Variants in KLHL32 observed in about 807,000 individuals in gnomAD.
The protein encoded by KLHL32 is kelch-like protein 32.
A neutral mutation model predicts 64.8 loss-of-function variants in KLHL32; 35 were observed. The observed-to-expected ratio is 0.54, with a 90% confidence interval of 0.41 to 0.72. The LOEUF (loss-of-function observed/expected upper bound fraction) is 0.72, where lower values mean the gene tolerates loss of function less well. Ranked by LOEUF, KLHL32 falls within the 30% of genes least tolerant of loss-of-function variation. The pLI, the probability that KLHL32 is intolerant of heterozygous loss-of-function variation, is 0.00. For missense variants in KLHL32, 589 were observed against 768.5 expected (o/e 0.77, Z 2.76); for synonymous variants, 259 against 281.0 (o/e 0.92, Z 0.78).
intron 5 of KLHL32, among the ~76,000 whole-genome samples, chr6:97,077,628 C>CA (rs1404890277): frequency 6.6e-6 from 1 of 152,120 alleles, no homozygotes; most frequent in Non-Finnish European, 1.5e-5. Context: ...GATAGCATCG[C>CA]AAGGGACTTT....
intron 5 of KLHL32, among the ~76,000 whole-genome samples, chr6:97,068,194 T>G (rs1319801546): frequency 6.6e-6 from 1 of 152,244 alleles, no homozygotes; most frequent in African/African-American, 2.4e-5. Flanking sequence ...AAAAAGTTTA[T>G]ACATTTTGTA....
At chr6:97,137,910 CG>C (rs1444117332) in intron 10 of KLHL32, among the ~76,000 whole-genome samples, 1 of 151,898 alleles carries the variant, frequency 6.6e-6, no homozygotes, top group East Asian at 1.9e-4. Flanking sequence ...ATTAAAGACG[CG>C]TACAAAGAGG....
intron 2 of KLHL32, among the ~76,000 whole-genome samples, chr6:96,969,551 G>A (rs1774888234): frequency 6.6e-6 from 1 of 152,138 alleles, no homozygotes. Context: ...ACGTTGTCTA[G>A]TGGAGACTAG....
intron 1 of KLHL32, among the ~76,000 whole-genome samples, chr6:96,963,273 A>G (rs775619025): frequency 4.6e-5 from 7 of 152,202 alleles, no homozygotes; most frequent in South Asian, 2.1e-4. Flanking sequence ...GATGGGAAAG[A>G]CAAGTTACAG....
At chr6:96,973,985 G>A (rs9487633) in intron 2 of KLHL32, among the ~76,000 whole-genome samples, 1 of 152,000 alleles carries the variant, frequency 6.6e-6, no homozygotes, top group Non-Finnish European at 1.5e-5. Context: ...GCCTGCCAAA[G>A]TACTGGGATT....
chr6:97,000,285 C>A (rs997291082), intron 3 of KLHL32, among the ~76,000 whole-genome samples: 3 of 152,108 alleles, frequency 2.0e-5, no homozygotes, highest in African/African-American at 7.2e-5. Context: ...AAAGTGTGGT[C>A]CATGGATAAG....
Position 97,134,513 on chromosome 6 carries a change from G to A in KLHL32, c.1701+1766G>A, listed in dbSNP as rs111422573. Among the ~76,000 whole-genome samples, 139 of 152,268 alleles carry A rather than the reference G, an allele frequency of 9.1e-4. 1 individual carries two copies. Among genetic ancestry groups the A allele is most frequent in the African/African-American group, 3.2e-3 (131 of 41,550 alleles). On this transcript the variant is annotated intron_variant, in intron 10 of 10. Transcript: ENST00000369261. ...TATTTTTTGCTTTTCAGAATTGGTA[G>A]AACTCAGAACTGGGCAACAGTTCTC...
chr6:97,136,981 C>T (rs1800090646), intron 10 of KLHL32, among the ~76,000 whole-genome samples: 1 of 152,174 alleles, frequency 6.6e-6, no homozygotes, highest in African/African-American at 2.4e-5. Context: ...CACCACTTGC[C>T]GTGTGACCCT....
rs112376012 is a variant in KLHL32, at chr6:97,081,425, G to A, written c.412-3701G>A. On this transcript the variant is annotated intron_variant, in intron 5 of 10. Coordinates refer to ENST00000369261, the MANE Select transcript of KLHL32 (RefSeq NM_052904.4). ...ATTGGTTAGTTTGCATATGAAAGCC[G>A]TTTGCTCTCTCAAAGAATTGGCTAG... Among the ~76,000 whole-genome samples the A allele has an allele frequency of 1.2e-3, 183 of 152,254 alleles. 1 individual carries two copies. Among genetic ancestry groups the A allele is most frequent in the African/African-American group, 3.7e-3 (154 of 41,538 alleles).
chr6:97,067,181 A>G (rs1289270188), intron 5 of KLHL32, among the ~76,000 whole-genome samples: 1 of 152,178 alleles, frequency 6.6e-6, no homozygotes, highest in Non-Finnish European at 1.5e-5. Flanking sequence ...GAGCCTCACC[A>G]TCCTGCAGTT....
At chr6:97,084,361 G>C (rs1004651462) in intron 5 of KLHL32, among the ~76,000 whole-genome samples, 3 of 152,124 alleles carry the variant, frequency 2.0e-5, no homozygotes, top group Non-Finnish European at 2.9e-5. Context: ...GGAAGCTGTG[G>C]CTCTCTGGAG....
chr6:96,926,374 C>CAG, intron 1 of KLHL32, among the ~76,000 whole-genome samples: 1 of 152,292 alleles, frequency 6.6e-6, no homozygotes, highest in South Asian at 2.1e-4. Context: ...ATGCAATTCA[C>CAG]AGAGCTTTGG....
At chr6:97,094,632 A>G (rs1191803334) in intron 6 of KLHL32, among the ~76,000 whole-genome samples, 1 of 152,222 alleles carries the variant, frequency 6.6e-6, no homozygotes, top group Non-Finnish European at 1.5e-5. Flanking sequence ...ACCTATTTTG[A>G]TATTCTGGTA....
At chr6:97,070,035 A>G (rs1790455626) in intron 5 of KLHL32, among the ~76,000 whole-genome samples, 1 of 151,892 alleles carries the variant, frequency 6.6e-6, no homozygotes, top group Non-Finnish European at 1.5e-5. Context: ...GATTGAGGAG[A>G]AGTTATAACT....
intron 2 of KLHL32, among the ~76,000 whole-genome samples, chr6:96,971,053 T>G (rs1027031721): frequency 1.9e-4 from 29 of 152,160 alleles, no homozygotes; most frequent in African/African-American, 6.3e-4. Flanking sequence ...AGCCTTTTTC[T>G]TTCTTGTGTA....
chr6:97,078,032 C>T (rs1425432408), intron 5 of KLHL32, among the ~76,000 whole-genome samples: 2 of 152,162 alleles, frequency 1.3e-5, no homozygotes, highest in South Asian at 4.1e-4. Context: ...GATAAAGAGC[C>T]TTATACTTAC....
chr6:97,058,026 A>G (rs1382159205), intron 4 of KLHL32, among the ~76,000 whole-genome samples: 1 of 152,096 alleles, frequency 6.6e-6, no homozygotes, highest in Non-Finnish European at 1.5e-5. Context: ...TATATTATCT[A>G]TAATATTATC....
At chr6:96,915,590 A>G in the KLHL32 span, among the ~76,000 whole-genome samples, 2 of 152,172 alleles carry the variant, frequency 1.3e-5, no homozygotes, top group Non-Finnish European at 2.9e-5. Flanking sequence ...GATTTTAGCC[A>G]ATTAATTTCT....
intron 5 of KLHL32, among the ~76,000 whole-genome samples, chr6:97,074,867 AAT>A (rs1026820457): frequency 2.7e-5 from 4 of 150,652 alleles, no homozygotes; most frequent in South Asian, 2.1e-4. Context: ...ATTAAAAGAA[AAT>A]ATATATATAT....
Sources: gnomAD v4.1 joint callset for allele counts (sites outside exome capture counted in the v4.1 genomes callset) on GRCh38, gnomAD v4.1.1 for gene constraint, MANE v1.5 for transcripts, NCBI Gene and HGNC (gene_info 2026-07-23, HGNC 2026-07-21) for gene names.